FAM78B: variants seen among roughly 807,000 people sequenced by gnomAD.
The protein encoded by FAM78B is family with sequence similarity 78 member B.
A neutral mutation model predicts 20.0 loss-of-function variants in FAM78B; 10 were observed. The observed-to-expected ratio is 0.50, with a 90% CI of 0.31 to 0.85. The LOEUF (loss-of-function observed/expected upper bound fraction) is 0.85. Among genes scored for constraint, FAM78B ranks in the 40% least tolerant of loss-of-function variants. The pLI is 0.05. For synonymous variants in FAM78B, 135 were observed against 132.8 expected, an observed-to-expected ratio of 1.02 and a Z score of -0.12; for missense variants, 283 against 345.0, an observed-to-expected ratio of 0.82 and a Z score of 1.42.
In FAM78B at chr1:166,096,470, C is replaced by T. The variant is rs181081804; in HGVS notation, c.264-25707G>A. ...AAACGACTTTATGTGCACAACCTCT[C>T]GATGGTTGGTCAGTGGTAGCATTTT... is the stretch of plus-strand genomic sequence containing the variant. On this transcript the variant is annotated intron_variant, in intron 1 of 1. Transcript: ENST00000354422. Among the ~76,000 whole-genome samples the T allele has an allele frequency of 4.3e-4, 66 of 152,238 alleles. No individual in the cohort carries two copies. The East Asian group carries it at 9.9e-3, about 23-fold the overall frequency.
intron 1 of FAM78B, among the ~76,000 whole-genome samples, chr1:166,089,286 T>A (rs1418740950): frequency 6.6e-6 from 1 of 152,222 alleles, no homozygotes; most frequent in Non-Finnish European, 1.5e-5. Flanking sequence ...ATTTAATGTG[T>A]CTCTCTTCGT....
At chr1:166,164,841 AG>A (rs1470278312) in intron 1 of FAM78B, 1 of 152,238 alleles carries the variant, frequency 6.6e-6, no homozygotes, top group Non-Finnish European at 1.5e-5. Flanking sequence ...TTGAATTTCC[AG>A]AAAAAGGGTT....
chr1:166,142,038 G>C (rs1380844508), intron 1 of FAM78B, among the ~76,000 whole-genome samples: 1 of 152,178 alleles, frequency 6.6e-6, no homozygotes, highest in Non-Finnish European at 1.5e-5. Context: ...TCCTTGCCCT[G>C]AGCACAGCTC....
At chr1:166,159,404 G>T (rs1656054498) in intron 1 of FAM78B, among the ~76,000 whole-genome samples, 1 of 152,132 alleles carries the variant, frequency 6.6e-6, no homozygotes, top group African/African-American at 2.4e-5. Flanking sequence ...CAAGAACCAG[G>T]GGGATCAGAT....
chr1:166,066,458 G>C (rs1441182834), downstream of FAM78B, among the ~76,000 whole-genome samples: 2 of 152,176 alleles, frequency 1.3e-5, no homozygotes, highest in Non-Finnish European at 2.9e-5. Flanking sequence ...GTGCCCTCTA[G>C]TCAGGGATGA....
rs781073575 is a variant in FAM78B, at chr1:166,166,116, T to G, written c.133A>C (p.Lys45Gln). The change falls in exon 1 of 2, where the codon AAG (lysine) becomes CAG (glutamine). Residue 45 changes from lysine to glutamine, a missense_variant. Lys to Gln is a moderately conservative substitution (Grantham distance 53). Coordinates refer to ENST00000354422, the MANE Select transcript of FAM78B (RefSeq NM_001017961.5). The stretch of plus-strand genomic sequence containing the variant: ...GCGGAGGCTTTGAAGTAGGGGGTCT[T>G]GTAGCGCAGGACGATGGGCGAGGTC... ...EETSPIVLRY[K>Q]TPYFKASARV... is the part of the protein sequence containing the mutation. The G allele has an allele frequency of 6.2e-7, 1 of 1,611,762 alleles. No homozygotes were observed. The highest frequency in any genetic ancestry group is 2.2e-5 in the East Asian group (1 of 44,704).
chr1:166,065,310 T>C (rs1651757205), downstream of FAM78B, among the ~76,000 whole-genome samples: 1 of 152,214 alleles, frequency 6.6e-6, no homozygotes, highest in Non-Finnish European at 1.5e-5. Context: ...TCACTTGAGC[T>C]TTCTGCTTCA....
chr1:166,108,177 C>A (rs1052897919), intron 1 of FAM78B, among the ~76,000 whole-genome samples: 2 of 152,004 alleles, frequency 1.3e-5, no homozygotes, highest in Non-Finnish European at 2.9e-5. Context: ...TAAAGGGCAT[C>A]GAAATCGGTA....
At chr1:166,095,919 T>C (rs984964474) in intron 1 of FAM78B, among the ~76,000 whole-genome samples, 15 of 152,190 alleles carry the variant, frequency 9.9e-5, no homozygotes, top group African/African-American at 3.4e-4. Context: ...AAATACTAAA[T>C]GCAGGAAGCT....
chr1:166,145,975 C>T (rs1401450542), intron 1 of FAM78B, among the ~76,000 whole-genome samples: 2 of 152,152 alleles, frequency 1.3e-5, no homozygotes, highest in African/African-American at 4.8e-5. Flanking sequence ...CCCCTTAAGT[C>T]TCAGTCTTAG....
Position 166,070,106 on chromosome 1 carries a change from A to G in FAM78B, c.*135T>C. The G allele has an allele frequency of 1.4e-6, 2 of 1,398,478 alleles. No homozygotes were observed. Among genetic ancestry groups the G allele is most frequent in the Non-Finnish European group, 1.9e-6 (2 of 1,071,312 alleles). The allele number at this position is 1,398,478 out of a possible 1,614,324, so 86.6% of individuals were successfully genotyped here. A position where few individuals can be genotyped will look rare whatever the true frequency, so the allele number is the denominator to read the frequency against. ...CACCCAAGGAGCAGCCCTACTCTTC[A>G]AAAGTGGCTGCAAAGGCTGGCAAAC... is the stretch of plus-strand genomic sequence containing the variant. On this transcript the variant is annotated 3_prime_UTR_variant, in exon 2 of 2. Transcript: ENST00000354422.
chr1:166,127,757 G>A (rs1222923348), intron 1 of FAM78B, among the ~76,000 whole-genome samples: 2 of 152,132 alleles, frequency 1.3e-5, no homozygotes, highest in South Asian at 2.1e-4. Context: ...TGTAGCAGGC[G>A]GAGGGGGTGG....
At chr1:166,104,415 T>A (rs1449296733) in intron 1 of FAM78B, among the ~76,000 whole-genome samples, 1 of 152,164 alleles carries the variant, frequency 6.6e-6, no homozygotes, top group African/African-American at 2.4e-5. Flanking sequence ...AGTCAAATTG[T>A]CCCTGTTTGC....
intron 1 of FAM78B, among the ~76,000 whole-genome samples, chr1:166,109,660 G>T (rs1653920323): frequency 2.0e-5 from 3 of 150,734 alleles, no homozygotes; most frequent in Non-Finnish European, 4.4e-5. Flanking sequence ...ACACTATTGA[G>T]TATCTACCCA....
chr1:166,096,173 G>A (rs541519917), intron 1 of FAM78B, among the ~76,000 whole-genome samples: 22 of 152,310 alleles, frequency 1.4e-4, no homozygotes, highest in Admixed American at 3.3e-4. Context: ...ACGAACCTCT[G>A]CTGTTCTCAG....
intron 1 of FAM78B, among the ~76,000 whole-genome samples, chr1:166,156,301 C>T (rs754987254): frequency 2.1e-4 from 32 of 152,232 alleles, no homozygotes; most frequent in South Asian, 2.1e-4. Flanking sequence ...GTCCTGTTTA[C>T]CCTCTCTTGT....
At chr1:166,119,892 C>T (rs1654403602) in intron 1 of FAM78B, among the ~76,000 whole-genome samples, 1 of 152,170 alleles carries the variant, frequency 6.6e-6, no homozygotes, top group African/African-American at 2.4e-5. Context: ...GCCTGAATTT[C>T]AAGGGTGACA....
rs538695776 is a variant in FAM78B, at chr1:166,117,833, C to A, written c.264-47070G>T. Among the ~76,000 whole-genome samples, 5 of 152,194 alleles carry A rather than the reference C, an allele frequency of 3.3e-5. No homozygotes were observed. In the South Asian group the frequency reaches 1.0e-3, roughly 32 times the overall value. On this transcript the variant is annotated intron_variant, in intron 1 of 1. Transcript: ENST00000354422. ...GGAAGAGCACAGAGGTTGAGTCAAG[C>A]GGGTTCTAAAAGACAGAGTCAGGAG... is the stretch of plus-strand genomic sequence containing the variant.
At chr1:166,128,250 A>G (rs1294328401) in intron 1 of FAM78B, among the ~76,000 whole-genome samples, 1 of 152,008 alleles carries the variant, frequency 6.6e-6, no homozygotes, top group East Asian at 1.9e-4. Context: ...TTAATTTTAT[A>G]CATTTATTTC....
Sources: allele counts gnomAD v4.1 joint callset (sites outside exome capture counted in the v4.1 genomes callset), GRCh38; gene constraint gnomAD v4.1.1; transcripts MANE v1.5; gene names NCBI Gene and HGNC (gene_info 2026-07-23, HGNC 2026-07-21).